NCOA1: variants seen among roughly 807,000 people sequenced by gnomAD.
NCOA1 encodes the protein Hin-2 protein.
NCOA1 carries 35 observed loss-of-function variants against 150.9 expected under a neutral mutation model. The observed-to-expected ratio is 0.23, with a 90% CI of 0.18 to 0.31. The LOEUF (loss-of-function observed/expected upper bound fraction) is 0.31, where lower values mean the gene tolerates loss of function less well. Among genes scored for constraint, NCOA1 ranks in the 10% least tolerant of loss-of-function variants. The pLI is 1.00. For synonymous variants in NCOA1, 590 were observed against 630.0 expected (o/e 0.94, Z 0.95); for missense variants, 1,491 against 1,749.3 (o/e 0.85, Z 2.63).
intron 7 of NCOA1, among the ~76,000 whole-genome samples, chr2:24,680,735 C>T (rs1440097828): frequency 6.6e-6 from 1 of 151,168 alleles, no homozygotes; most frequent in Non-Finnish European, 1.5e-5. Context: ...GTTTTCACCA[C>T]AAAAAAAATG....
chr2:24,571,371 A>AGGGG (rs1666738080), intron 2 of NCOA1, among the ~76,000 whole-genome samples: 1 of 152,252 alleles, frequency 6.6e-6, no homozygotes, highest in African/African-American at 2.4e-5. Context: ...TGAGTGTACT[A>AGGGG]TATAGAAAAT....
rs549911750 is a variant in NCOA1 at position 24,722,437 on chromosome 2, T to C, written c.2600-4152T>C. The stretch of plus-strand genomic sequence containing the variant: ...CCTATTGTTTGAGGGTAGATTTCAC[T>C]TTTGAAAATTTCCAGTCATGTGGAA... On this transcript the variant is annotated intron_variant, in intron 14 of 22. Transcript: ENST00000348332. Among the ~76,000 whole-genome samples, 23 of 152,358 alleles carry C rather than the reference T, an allele frequency of 1.5e-4. No individual in the cohort carries two copies. The East Asian group carries it at 3.9e-3, about 26-fold the overall frequency.
Position 24,741,874 on chromosome 2 carries a change from G to A in NCOA1, c.3394G>A (p.Ala1132Thr), listed in dbSNP as rs541353622. 3.1e-6 allele frequency: 5 copies of A among 1,614,232 alleles called. No homozygotes were observed. In the African/African-American group the frequency reaches 4.0e-5, roughly 13 times the overall value. Residue 1132 changes from alanine (A) to threonine (T), a missense_variant, in exon 19 of 23, where the codon GCC (alanine) becomes ACC (threonine). Physicochemically the swap from Ala to Thr is moderately conservative, Grantham distance 58 (BLOSUM62 0). Transcript: ENST00000348332. Reference sequence around the variant, plus strand: ...GAGGCAGCTAATACAGCAGCAAAGAGCCATGCTTATGAGGCAGCAAAGCTT... The same window carrying A: ...GAGGCAGCTAATACAGCAGCAAAGAACCATGCTTATGAGGCAGCAAAGCTT... ...RQRQLIQQQR[A>T]MLMRQQSFGN...
At chr2:24,629,986 G>A (rs1669631342) in intron 3 of NCOA1, among the ~76,000 whole-genome samples, 2 of 151,524 alleles carry the variant, frequency 1.3e-5, no homozygotes, top group South Asian at 4.2e-4. Context: ...TGGGACTACA[G>A]GCATCTGCCA....
chr2:24,495,092 G>GTT lies in NCOA1; in HGVS notation c.-396+3499_-396+3500dup, dbSNP rs200403397. Among the ~76,000 whole-genome samples, 379 of 102,594 alleles carry GTT rather than the reference G, an allele frequency of 3.7e-3. 13 individuals carry two copies. The highest frequency in any genetic ancestry group is 5.7e-3 in the Middle Eastern group (1 of 174). 67.3% of individuals were successfully genotyped at this position (102,594 alleles called of 152,430 possible). A position where few individuals can be genotyped will look rare whatever the true frequency, so the allele number is the denominator to read the frequency against. ...CTTCATTTCATAAGGAGATGAAGGTGTTTTTTTTTTGTTTTTTTTTTTTAA... is the reference window on the plus strand; with the variant it reads ...CTTCATTTCATAAGGAGATGAAGGTGTTTTTTTTTTTTGTTTTTTTTTTTTAA... On this transcript the variant is annotated intron_variant, in intron 1 of 22. Transcript: ENST00000348332.
At chr2:24,675,898 T>G (rs1671886777) in intron 7 of NCOA1, among the ~76,000 whole-genome samples, 1 of 151,834 alleles carries the variant, frequency 6.6e-6, no homozygotes, top group South Asian at 2.1e-4. Flanking sequence ...ATAAATAAAT[T>G]AATAAATAAG....
chr2:24,749,482 A>G (rs1293725628), intron 19 of NCOA1, among the ~76,000 whole-genome samples: 2 of 152,228 alleles, frequency 1.3e-5, no homozygotes, highest in Admixed American at 1.3e-4. Context: ...AAAAGATAAG[A>G]GGGAACCATC....
intron 1 of NCOA1, among the ~76,000 whole-genome samples, chr2:24,500,747 A>G (rs1240197274): frequency 6.6e-6 from 1 of 152,208 alleles, no homozygotes; most frequent in South Asian, 2.1e-4. Flanking sequence ...AAACGTGGCT[A>G]TAAGTGCTAT....
At chr2:24,494,195 G>T (rs906982077) in intron 1 of NCOA1, among the ~76,000 whole-genome samples, 1 of 152,136 alleles carries the variant, frequency 6.6e-6, no homozygotes, top group Non-Finnish European at 1.5e-5. Context: ...TGGAGAGAGG[G>T]TATTGGGCAT....
rs1287865748 is a variant in NCOA1 at position 24,769,696 on chromosome 2, G to A, written c.*1305G>A. On this transcript the variant is annotated 3_prime_UTR_variant, in exon 23 of 23. Coordinates refer to ENST00000348332, the MANE Select transcript of NCOA1 (RefSeq NM_003743.5). ...CTAATTGGTACCATATTTTCCCTTT[G>A]TGTCTTGTGACTCTGCCACATCCCA... is the stretch of plus-strand genomic sequence containing the variant. 4.6e-6 allele frequency: 1 copy of A among 218,768 alleles called. No homozygotes were observed. Among genetic ancestry groups the A allele is most frequent in the Non-Finnish European group, 9.2e-6 (1 of 108,752 alleles). The allele number at this position is 218,768 out of a possible 1,614,324, so 13.6% of individuals were successfully genotyped here.
At chr2:24,750,359 C>T (rs1664153304) in intron 19 of NCOA1, among the ~76,000 whole-genome samples, 1 of 152,058 alleles carries the variant, frequency 6.6e-6, no homozygotes, top group African/African-American at 2.4e-5. Flanking sequence ...CATAAAGTCG[C>T]AACAATCAAG....
At chr2:24,698,656 T>A (rs1184951259) in intron 11 of NCOA1, among the ~76,000 whole-genome samples, 1 of 152,214 alleles carries the variant, frequency 6.6e-6, no homozygotes, top group Non-Finnish European at 1.5e-5. Context: ...CTTTTTCCAA[T>A]GAAATTTATT....
At chr2:24,623,447 T>C (rs1305231596) in intron 3 of NCOA1, among the ~76,000 whole-genome samples, 2 of 152,202 alleles carry the variant, frequency 1.3e-5, no homozygotes, top group East Asian at 1.9e-4. Context: ...TCTAATTTTC[T>C]TTTTCTGGGC....
At chr2:24,726,849 A>C in intron 15 of NCOA1, 143 bp downstream of exon 15, 1 of 392,014 alleles carries the variant, frequency 2.6e-6, no homozygotes, top group Non-Finnish European at 4.4e-6. Flanking sequence ...AAAAAAAAAA[A>C]AAGTGGGCCC....
intron 3 of NCOA1, among the ~76,000 whole-genome samples, chr2:24,608,016 A>T (rs1052616870): frequency 2.0e-5 from 3 of 152,086 alleles, no homozygotes; most frequent in African/African-American, 7.2e-5. Flanking sequence ...GATTCTAAGT[A>T]GGTTTATCGC....
chr2:24,590,369 G>A (rs1048243826), intron 3 of NCOA1, among the ~76,000 whole-genome samples: 2 of 152,080 alleles, frequency 1.3e-5, no homozygotes, highest in Non-Finnish European at 2.9e-5. Context: ...TTGTAGTAGA[G>A]ACTCTTACAA....
intron 3 of NCOA1, among the ~76,000 whole-genome samples, chr2:24,613,560 G>C (rs1213059666): frequency 6.6e-6 from 1 of 152,238 alleles, no homozygotes. Flanking sequence ...ACAGGCAGGG[G>C]TGGAGGCCTG....
chr2:24,621,123 T>G (rs183139645), intron 3 of NCOA1, among the ~76,000 whole-genome samples: 75 of 152,242 alleles, frequency 4.9e-4, no homozygotes, highest in Middle Eastern at 6.8e-3. Flanking sequence ...TTACTGTGAT[T>G]CTCATAATCT....
At chr2:24,621,146 G>C (rs1669132550) in intron 3 of NCOA1, among the ~76,000 whole-genome samples, 1 of 149,728 alleles carries the variant, frequency 6.7e-6, no homozygotes, top group Admixed American at 6.6e-5. Context: ...TGTGGTATGT[G>C]GGGGGTGGGG....
Sources: gnomAD v4.1 joint callset for allele counts (sites outside exome capture counted in the v4.1 genomes callset) on GRCh38, gnomAD v4.1.1 for gene constraint, MANE v1.5 for transcripts, NCBI Gene and HGNC (gene_info 2026-07-23, HGNC 2026-07-21) for gene names.